Variants in E2F7 observed in about 807,000 individuals in gnomAD.
The protein encoded by E2F7 is E2F transcription factor 7.
In E2F7, 35 loss-of-function variants were observed where a neutral mutation model predicts 81.1. The observed-to-expected ratio is 0.43, with a 90% confidence interval of 0.33 to 0.57. The LOEUF (loss-of-function observed/expected upper bound fraction) is 0.57. E2F7 is among the 20% of genes least tolerant of loss of function. E2F7 has a pLI of 0.04. For missense variants in E2F7, 961 were observed against 1,093.7 expected, an observed-to-expected ratio of 0.88 and a Z score of 1.71; for synonymous variants, 416 against 416.2, an observed-to-expected ratio of 1.00 and a Z score of 0.01.
rs1339149742 is a variant in E2F7 at position 77,029,920 on chromosome 12, C to T, written c.1795G>A (p.Glu599Lys). 1.9e-6 allele frequency: 3 copies of T among 1,614,234 alleles called. No homozygotes were observed. Among genetic ancestry groups the T allele is most frequent in the Admixed American group, 1.7e-5 (1 of 60,026 alleles). Residue 599 changes from glutamate (E) to lysine (K), a missense_variant, in exon 10 of 13, where the codon GAG becomes AAG. By Grantham distance (56) the Glu-to-Lys change is moderately conservative (BLOSUM62 1). This residue lies in a region of E2F7 where 587 missense variants were observed against 620.3 expected (regional missense o/e 0.95). Transcript: ENST00000322886. Reference protein sequence around the residue: ...APSAQKRLCEERKPQEEDEPA... With the variant: ...APSAQKRLCEKRKPQEEDEPA... ...TCATCCTCCTCCTGAGGTTTCCTCT[C>T]CTCACAGAGGCGCTTCTGAGCTGAG...
chr12:77,040,077 G>A (rs763274843), intron 7 of E2F7, among the ~76,000 whole-genome samples: 1 of 152,126 alleles, frequency 6.6e-6, no homozygotes, highest in Non-Finnish European at 1.5e-5. Flanking sequence ...ATTGCTTCTA[G>A]GGGACATAAA....
At position 77,025,615 on chromosome 12, in the gene E2F7, T is replaced by G; in HGVS notation, c.2508A>C (p.Gln836His). 6.2e-7 allele frequency: 1 copy of G among 1,614,224 alleles called. No homozygotes were observed. Among genetic ancestry groups the G allele is most frequent in the Admixed American group, 1.7e-5 (1 of 60,022 alleles). ...CCACGTAAACGGGGGACTCAGGTTG[T>G]TGGACGACACTGTGTGACCTTGACA... ...PVMSRSHSVV[Q>H]QPESPVYVGH... Residue 836 changes from glutamine (Q) to histidine (H), a missense_variant, in exon 12 of 13, where the codon CAA (glutamine) becomes CAC (histidine). Physicochemically the swap from Gln to His is conservative, Grantham distance 24. Coordinates refer to ENST00000322886, the MANE Select transcript of E2F7 (RefSeq NM_203394.3).
rs747000146 is a variant in E2F7 at position 77,027,959 on chromosome 12, A to C, written c.2064T>G (p.Val688=). 20 of 1,614,204 alleles carry C rather than the reference A, an allele frequency of 1.2e-5. No individual in the cohort carries two copies. The highest frequency in any genetic ancestry group is 8.5e-7 in the Non-Finnish European group (1 of 1,180,036). ...TTTCATTTTCTTTTGAAGGCTTTTC[A>C]ACATCTGTATTTCTTGAAGGATTTC... ...EWGNPSRNTD[V]EKPSKENEST... The change falls in exon 11 of 13, where the codon GTT becomes GTG. Residue 688 remains valine, a synonymous_variant. Coordinates refer to ENST00000322886, the MANE Select transcript of E2F7 (RefSeq NM_203394.3).
chr12:77,049,511 G>T (rs12371787), intron 4 of E2F7, among the ~76,000 whole-genome samples: 5,113 of 152,256 alleles, frequency 0.034, 129 homozygotes, highest in East Asian at 0.13. Context: ...GGTAGGTGCT[G>T]CAGTTTCCAA....
rs1482034585 is a variant in E2F7 at position 77,022,319 on chromosome 12, G to A, written c.*1696C>T. 2.6e-5 allele frequency: 4 copies of A among 151,872 alleles called. No individual in the cohort carries two copies. Among genetic ancestry groups the A allele is most frequent in the African/African-American group, 7.3e-5 (3 of 41,242 alleles). The allele number at this position is 151,872 out of a possible 1,614,324, so 9.4% of individuals were successfully genotyped here. A position where few individuals can be genotyped will look rare whatever the true frequency, so the allele number is the denominator to read the frequency against. On this transcript the variant is annotated 3_prime_UTR_variant, in exon 13 of 13. Transcript: ENST00000322886. ...ACCACATTTTTAACCTAACTCTATAGAAGACTGTAAAAAAGAAAAAAAAAA... is the reference window on the plus strand; with the variant it reads ...ACCACATTTTTAACCTAACTCTATAAAAGACTGTAAAAAAGAAAAAAAAAA...
intron 9 of E2F7, among the ~76,000 whole-genome samples, chr12:77,032,739 A>C (rs941971975): frequency 6.6e-6 from 1 of 152,202 alleles, no homozygotes; most frequent in African/African-American, 2.4e-5. Flanking sequence ...TATGATAATG[A>C]TGAAGTGATT....
At chr12:77,025,522 A>G (rs1201704179) in intron 12 of E2F7, 36 bp downstream of exon 12, 5 of 1,604,968 alleles carry the variant, frequency 3.1e-6, no homozygotes, top group Non-Finnish European at 4.3e-6. Flanking sequence ...ACCCCTTCCC[A>G]GAGTGACAGT....
intron 2 of E2F7, among the ~76,000 whole-genome samples, chr12:77,059,595 C>T (rs546050877): frequency 6.6e-5 from 10 of 152,244 alleles, no homozygotes; most frequent in African/African-American, 2.4e-4. Flanking sequence ...ACAGTCATCC[C>T]ATAACTGGAC....
rs1287875830 is a variant in E2F7 at position 77,025,952 on chromosome 12, C to A, written c.2171G>T (p.Gly724Val). ...GLNGFNVLLS[G>V]SQTPPTVGPS... The stretch of plus-strand genomic sequence containing the variant: ...GCCCACAGTAGGGGGGGTTTGACTG[C>A]CAGATAAAAGTACATTGAAACCATT... The change falls in exon 12 of 13, where the codon GGC (glycine) becomes GTC (valine). Residue 724 changes from glycine (G) to valine (V), a missense_variant. By Grantham distance (109) the Gly-to-Val change is moderately radical (BLOSUM62 -3). Coordinates refer to ENST00000322886, the MANE Select transcript of E2F7 (RefSeq NM_203394.3). 6.2e-7 allele frequency: 1 copy of A among 1,612,100 alleles called. No homozygotes were observed. The highest frequency in any genetic ancestry group is 1.1e-5 in the South Asian group (1 of 90,796).
chr12:77,032,793 G>C (rs1471544793), intron 9 of E2F7, among the ~76,000 whole-genome samples: 1 of 152,148 alleles, frequency 6.6e-6, no homozygotes, highest in Admixed American at 6.5e-5. Context: ...TGTTAATTAT[G>C]AATTGTCTCT....
chr12:77,036,835 G>A (rs190492178), intron 7 of E2F7, among the ~76,000 whole-genome samples: 194 of 151,770 alleles, frequency 1.3e-3, no homozygotes, highest in African/African-American at 3.2e-3. Flanking sequence ...TGCGCCTCCC[G>A]GGTTCATGCC....
chr12:77,062,660 AGAG>A (rs1955087427), intron 2 of E2F7, among the ~76,000 whole-genome samples: 1 of 152,196 alleles, frequency 6.6e-6, no homozygotes, highest in African/African-American at 2.4e-5. Context: ...TGCTGATGCT[AGAG>A]GAGAAGGGTC....
intron 2 of E2F7, among the ~76,000 whole-genome samples, chr12:77,063,774 G>T (rs1344981247): frequency 1.3e-5 from 2 of 152,190 alleles, no homozygotes; most frequent in Non-Finnish European, 2.9e-5. Flanking sequence ...GAGTTTCACT[G>T]TTGATGCTAA....
intron 7 of E2F7, among the ~76,000 whole-genome samples, chr12:77,036,187 C>A (rs1169062952): frequency 1.3e-5 from 2 of 152,066 alleles, no homozygotes; most frequent in Non-Finnish European, 2.9e-5. Flanking sequence ...CGCAACAAAA[C>A]CAAGTACACA....
chr12:77,051,829 G>A (rs1388098259), intron 3 of E2F7, among the ~76,000 whole-genome samples: 3 of 152,068 alleles, frequency 2.0e-5, no homozygotes, highest in East Asian at 1.9e-4. Context: ...ATGAGGACAC[G>A]AAAAAGAAAC....
At chr12:77,051,479 G>A in intron 3 of E2F7, among the ~76,000 whole-genome samples, 1 of 151,926 alleles carries the variant, frequency 6.6e-6, no homozygotes, top group East Asian at 1.9e-4. Context: ...ACATACCGGG[G>A]CCTGTCGTGG....
intron 5 of E2F7, among the ~76,000 whole-genome samples, chr12:77,045,431 T>A (rs1452911269): frequency 1.3e-5 from 2 of 152,230 alleles, no homozygotes; most frequent in Non-Finnish European, 2.9e-5. Flanking sequence ...AGGCAGTAAC[T>A]CTAATGAAAA....
At chr12:77,064,448 T>TAAATAC in intron 2 of E2F7, 95 bp downstream of exon 2, 1 of 1,011,256 alleles carries the variant, frequency 9.9e-7, no homozygotes, top group Non-Finnish European at 1.5e-6. Flanking sequence ...TTATTATGCT[T>TAAATAC]AAATACAAAT....
intron 2 of E2F7, among the ~76,000 whole-genome samples, chr12:77,058,108 A>G (rs1011885380): frequency 3.9e-5 from 6 of 152,202 alleles, no homozygotes; most frequent in African/African-American, 1.4e-4. Flanking sequence ...GCGATTTCTC[A>G]TACTACAGTA....
Sources: gnomAD v4.1 joint callset for allele counts (sites outside exome capture counted in the v4.1 genomes callset) on GRCh38, gnomAD v4.1.1 for gene constraint, gnomAD v4.1.1 regional missense constraint, MANE v1.5 for transcripts, NCBI Gene and HGNC (gene_info 2026-07-23, HGNC 2026-07-21) for gene names.